Variants in FRMPD1 observed in about 807,000 individuals in gnomAD.
FRMPD1 encodes the protein FERM and PDZ domain containing 1.
In FRMPD1, 76 loss-of-function variants were observed where a neutral mutation model predicts 117.8. The observed-to-expected ratio is 0.65, with a 90% CI of 0.54 to 0.78. FRMPD1 has a LOEUF of 0.78. Among genes scored for constraint, FRMPD1 ranks in the 30% least tolerant of loss-of-function variants. The probability of loss-of-function intolerance (pLI) is 0.00; values close to 1 mark genes in which losing one functional copy is unlikely to be tolerated. For synonymous variants in FRMPD1, 783 were observed against 770.4 expected (o/e 1.02, Z -0.27); for missense variants, 1,786 against 1,964.5 (o/e 0.91, Z 1.72).
At chr9:37,616,117 C>CTTTTTTTT in the FRMPD1 span, among the ~76,000 whole-genome samples, 1 of 96,770 alleles carries the variant, frequency 1.0e-5, no homozygotes, top group Non-Finnish European at 2.0e-5. Flanking sequence ...GTGCCCAGCC[C>CTTTTTTTT]TTTTTTTTTT....
At chr9:37,690,658 C>T (rs1160043394) in intron 1 of FRMPD1, among the ~76,000 whole-genome samples, 1 of 152,192 alleles carries the variant, frequency 6.6e-6, no homozygotes, top group Non-Finnish European at 1.5e-5. Context: ...TTCTCTGGTG[C>T]TATTCAGTCC....
At chr9:37,699,903 G>A (rs975746829) in intron 2 of FRMPD1, among the ~76,000 whole-genome samples, 12 of 147,896 alleles carry the variant, frequency 8.1e-5, no homozygotes, top group African/African-American at 1.5e-4. Context: ...ATGCATGCAC[G>A]CACACACACA....
rs749038463 is a variant in FRMPD1 at position 37,746,452 on chromosome 9, C to A, written c.4420C>A (p.Arg1474=). 1 of 1,613,584 alleles carries A rather than the reference C, an allele frequency of 6.2e-7. No homozygotes were observed. The highest frequency in any genetic ancestry group is 1.7e-5 in the Admixed American group (1 of 60,006). The change falls in exon 16 of 16, where the codon CGG becomes AGG. Residue 1474 remains arginine, a synonymous_variant. Transcript: ENST00000377765. The part of the protein sequence containing the change: ...MGSQKLLSSC[R]HVIRMDQSPE... ...CTCCCAGAAGCTCCTGTCGAGCTGT[C>A]GGCATGTGATCAGAATGGACCAGTC...
intron 4 of FRMPD1, among the ~76,000 whole-genome samples, chr9:37,709,786 C>A (rs999164291): frequency 3.9e-5 from 6 of 152,094 alleles, no homozygotes; most frequent in Admixed American, 2.6e-4. Flanking sequence ...GGCTGCTGAG[C>A]AGTTCAGTTT....
the FRMPD1 span, among the ~76,000 whole-genome samples, chr9:37,630,242 C>T: frequency 6.6e-6 from 1 of 152,182 alleles, no homozygotes; most frequent in African/African-American, 2.4e-5. Context: ...CCTTTTTAAC[C>T]TCTGAGATTG....
In FRMPD1 at chr9:37,653,020, CT is replaced by C. The variant is rs559547614; in HGVS notation, c.-5+1927del. Among the ~76,000 whole-genome samples, 516 of 151,298 alleles carry C rather than the reference CT, an allele frequency of 3.4e-3. 7 individuals carry two copies. Among genetic ancestry groups the C allele is most frequent in the South Asian group, 0.011 (53 of 4,762 alleles). On this transcript the variant is annotated intron_variant, in intron 1 of 15. Transcript: ENST00000377765. ...TCAAGGAGCTGGTACGAGCAAGGAA[CT>C]GGTGAGAGCTGGGAGAGCATGAGAC...
At chr9:37,631,050 G>A in the FRMPD1 span, among the ~76,000 whole-genome samples, 2 of 152,148 alleles carry the variant, frequency 1.3e-5, no homozygotes, top group Non-Finnish European at 2.9e-5. Context: ...GTCCTACAGA[G>A]GAAGGGAAAA....
At position 37,692,732 on chromosome 9, in the gene FRMPD1, A is replaced by G. The variant is rs1372493064; in HGVS notation, c.91A>G (p.Ser31Gly). ...VARWLRRSRDSSARAKVAAAD... is the reference protein window; with the variant it reads ...VARWLRRSRDGSARAKVAAAD... ...AAGATGGCTTCGGCGCTCCCGGGACAGCTCGGCCCGGTAAGCCTCCTGAGT... is the reference window on the plus strand; with the variant it reads ...AAGATGGCTTCGGCGCTCCCGGGACGGCTCGGCCCGGTAAGCCTCCTGAGT... The change falls in exon 2 of 16, where the codon AGC becomes GGC. Residue 31 changes from serine to glycine, a missense_variant. Ser to Gly is a moderately conservative substitution (Grantham distance 56). Transcript: ENST00000377765. 3.7e-6 allele frequency: 6 copies of G among 1,611,854 alleles called. No homozygotes were observed. The Admixed American group carries it at 8.3e-5, about 22-fold the overall frequency.
chr9:37,656,314 C>G (rs1282572479), intron 1 of FRMPD1, among the ~76,000 whole-genome samples: 1 of 152,202 alleles, frequency 6.6e-6, no homozygotes, highest in Non-Finnish European at 1.5e-5. Context: ...GATGTAGCTC[C>G]TTCATTTGAT....
At position 37,707,556 on chromosome 9, in the gene FRMPD1, T is replaced by C; in HGVS notation, c.242T>C (p.Val81Ala). Residue 81 changes from valine to alanine, a missense_variant, in exon 3 of 16, where the codon GTG (valine) becomes GCG (alanine). Coordinates refer to ENST00000377765, the MANE Select transcript of FRMPD1 (RefSeq NM_014907.3). ...ATTTCTGAGAGCCTTCCCCTTACAG[T>C]GGTGGCTGTCACAGCAGGTAGGGGA... ...FHISESLPLT[V>A]VAVTAGGSAH... 9 of 1,613,646 alleles carry C rather than the reference T, an allele frequency of 5.6e-6. No homozygotes were observed. The highest frequency in any genetic ancestry group is 2.2e-5 in the East Asian group (1 of 44,880).
the FRMPD1 span, among the ~76,000 whole-genome samples, chr9:37,640,239 T>G: frequency 1.3e-5 from 2 of 152,200 alleles, no homozygotes; most frequent in African/African-American, 4.8e-5. Context: ...TATGGTTCAG[T>G]GTAGGTAACA....
At chr9:37,738,790 G>GAGGT (rs1824250370) in intron 14 of FRMPD1, among the ~76,000 whole-genome samples, 1 of 152,176 alleles carries the variant, frequency 6.6e-6, no homozygotes, top group Non-Finnish European at 1.5e-5. Flanking sequence ...TCTAGAGGAA[G>GAGGT]AGGTATTGGA....
At chr9:37,685,140 A>G (rs1246683108) in intron 1 of FRMPD1, among the ~76,000 whole-genome samples, 1 of 152,192 alleles carries the variant, frequency 6.6e-6, no homozygotes, top group Non-Finnish European at 1.5e-5. Flanking sequence ...TTGAGTCAAT[A>G]CCTGAATAAT....
chr9:37,617,875 C>T, the FRMPD1 span, among the ~76,000 whole-genome samples: 295 of 152,300 alleles, frequency 1.9e-3, 3 homozygotes, highest in Non-Finnish European at 1.8e-3. Flanking sequence ...GCTGCCCTTT[C>T]GTGGGTCCCA....
chr9:37,717,294 A>G (rs890371639), intron 5 of FRMPD1, among the ~76,000 whole-genome samples: 5 of 142,536 alleles, frequency 3.5e-5, no homozygotes, highest in Non-Finnish European at 7.8e-5. Flanking sequence ...TTTTGCCGAG[A>G]AAAAAAAAAT....
Position 37,668,115 on chromosome 9 carries a change from G to T in FRMPD1, c.-5+17021G>T, listed in dbSNP as rs564441355. 7 of 152,358 alleles carry T rather than the reference G, an allele frequency of 4.6e-5. No homozygotes were observed. The East Asian group carries it at 1.3e-3, about 29-fold the overall frequency. 9.4% of individuals were successfully genotyped at this position (152,358 alleles called of 1,614,324 possible). ...GACCTTGGGTGTCATCTTCTGTGTT[G>T]CCCTTGGCACAGAGGAAGCCAGTTT... On this transcript the variant is annotated intron_variant, in intron 1 of 15. Transcript: ENST00000377765.
At chr9:37,632,574 T>C in the FRMPD1 span, among the ~76,000 whole-genome samples, 4 of 152,142 alleles carry the variant, frequency 2.6e-5, no homozygotes, top group Non-Finnish European at 5.9e-5. Context: ...GTGGTAAAGG[T>C]CATCACTGGC....
At chr9:37,708,565 C>G (rs937831380) in intron 4 of FRMPD1, 64 bp downstream of exon 4, 37 of 970,276 alleles carry the variant, frequency 3.8e-5, no homozygotes, top group East Asian at 2.7e-4. Context: ...AGATGGGCAA[C>G]AGGAATGGCA....
chr9:37,686,455 A>T (rs1375946435), intron 1 of FRMPD1, among the ~76,000 whole-genome samples: 1 of 152,216 alleles, frequency 6.6e-6, no homozygotes, highest in Non-Finnish European at 1.5e-5. Context: ...TGATGTGGAC[A>T]TTTACTTCCT....
Sources: allele counts gnomAD v4.1 joint callset (sites outside exome capture counted in the v4.1 genomes callset), GRCh38; gene constraint gnomAD v4.1.1; transcripts MANE v1.5; gene names NCBI Gene and HGNC (gene_info 2026-07-23, HGNC 2026-07-21).